EMB: variants seen among roughly 807,000 people sequenced by gnomAD.
EMB encodes the protein embigin homolog.
EMB carries 31 observed loss-of-function variants against 41.4 expected under a neutral mutation model. That is an observed-to-expected ratio of 0.75 (90% confidence interval 0.56 to 1.01). The LOEUF is 1.01. Ranked by LOEUF, EMB falls within the 50% of genes least tolerant of loss-of-function variation. The probability of loss-of-function intolerance (pLI) is 0.00; values close to 1 mark genes in which losing one functional copy is unlikely to be tolerated. For synonymous variants in EMB, 137 were observed against 140.4 expected, an observed-to-expected ratio of 0.98 and a Z score of 0.17; for missense variants, 379 against 388.3, an observed-to-expected ratio of 0.98 and a Z score of 0.20.
rs1357476160 is a variant in EMB, at chr5:50,411,590, A to G, written c.197-207T>C. ...TAAAGAAAAGTTTTGATTCAACATT[A>G]ACACAATTAAAAAAAACCTAAAGCT... On this transcript the variant is annotated intron_variant, in intron 2 of 8. Coordinates refer to ENST00000303221, the MANE Select transcript of EMB (RefSeq NM_198449.3). 1.2e-5 allele frequency: 5 copies of G among 401,868 alleles called. No individual in the cohort carries two copies. The East Asian group carries it at 2.0e-4, about 16-fold the overall frequency. The allele number at this position is 401,868 out of a possible 1,614,324, so 24.9% of individuals were successfully genotyped here. A position where few individuals can be genotyped will look rare whatever the true frequency, so the allele number is the denominator to read the frequency against.
intron 2 of EMB, among the ~76,000 whole-genome samples, chr5:50,427,170 G>C (rs1561138887): frequency 6.6e-6 from 1 of 151,988 alleles, no homozygotes; most frequent in East Asian, 1.9e-4. Flanking sequence ...CTTCTCTTTG[G>C]TTTTCAGTCA....
At chr5:50,437,263 C>T (rs967470105) in intron 1 of EMB, among the ~76,000 whole-genome samples, 1 of 151,552 alleles carries the variant, frequency 6.6e-6, no homozygotes, top group Non-Finnish European at 1.5e-5. Flanking sequence ...AGAGTGAGAC[C>T]CTGTCTCAAA....
intron 2 of EMB, among the ~76,000 whole-genome samples, chr5:50,416,350 C>T (rs888646321): frequency 6.6e-6 from 1 of 152,144 alleles, no homozygotes; most frequent in Non-Finnish European, 1.5e-5. Context: ...TTATACCTGT[C>T]TAAATAATTT....
chr5:50,409,847 G>T (rs1745306327), intron 4 of EMB, among the ~76,000 whole-genome samples: 1 of 152,104 alleles, frequency 6.6e-6, no homozygotes, highest in Non-Finnish European at 1.5e-5. Flanking sequence ...ATCAAAGAAT[G>T]ATACTAGTTT....
chr5:50,420,819 G>A lies in EMB; in HGVS notation c.196+7325C>T, dbSNP rs1745508346. Among the ~76,000 whole-genome samples the A allele has an allele frequency of 2.0e-5, 3 of 152,158 alleles. No individual in the cohort carries two copies. The South Asian group carries it at 6.2e-4, about 32-fold the overall frequency. ...CAGATAAGGCACTTTCCCTTAGACT[G>A]AAGGTTCAAGCATATTAAAATTCTG... On this transcript the variant is annotated intron_variant, in intron 2 of 8. Transcript: ENST00000303221.
chr5:50,430,938 G>C (rs891475535), intron 1 of EMB, among the ~76,000 whole-genome samples: 1 of 152,186 alleles, frequency 6.6e-6, no homozygotes, highest in African/African-American at 2.4e-5. Flanking sequence ...AATCTAAGCT[G>C]ATGACAGTTG....
intron 5 of EMB, among the ~76,000 whole-genome samples, chr5:50,404,418 T>C (rs1204636604): frequency 6.6e-6 from 1 of 151,928 alleles, no homozygotes. Flanking sequence ...ACATGGTTGG[T>C]CTACATTTTG....
chr5:50,410,231 G>A (rs1404915716), intron 4 of EMB, among the ~76,000 whole-genome samples: 1 of 151,942 alleles, frequency 6.6e-6, no homozygotes, highest in Non-Finnish European at 1.5e-5. Flanking sequence ...ACAAAATACT[G>A]GGTTTTTCAT....
Position 50,441,245 on chromosome 5 carries a change from C to A in EMB, c.-94G>T, listed in dbSNP as rs181252271. 5.6e-6 allele frequency: 4 copies of A among 716,134 alleles called. No homozygotes were observed. The highest frequency in any genetic ancestry group is 7.8e-6 in the Non-Finnish European group (4 of 510,694). The allele number at this position is 716,134 out of a possible 1,614,324, so 44.4% of individuals were successfully genotyped here. A position where few individuals can be genotyped will look rare whatever the true frequency, so the allele number is the denominator to read the frequency against. On this transcript the variant is annotated 5_prime_UTR_variant, in exon 1 of 9. Coordinates refer to ENST00000303221, the MANE Select transcript of EMB (RefSeq NM_198449.3). ...GTCCCTGCGCACACTCGCAGGTGGC[C>A]CGGCGCTCGCAGCCAGTGCCGCGGG...
chr5:50,405,571 T>C (rs1445161337), intron 5 of EMB, among the ~76,000 whole-genome samples, 154 bp downstream of exon 5: 2 of 151,904 alleles, frequency 1.3e-5, no homozygotes, highest in Non-Finnish European at 2.9e-5. Flanking sequence ...ACAACTCTGT[T>C]TGTCACTGCT....
At chr5:50,407,787 G>A (rs1267701869) in intron 4 of EMB, among the ~76,000 whole-genome samples, 3 of 151,884 alleles carry the variant, frequency 2.0e-5, no homozygotes, top group Non-Finnish European at 2.9e-5. Context: ...GGATGCATAC[G>A]AGTGCTACGG....
intron 1 of EMB, among the ~76,000 whole-genome samples, chr5:50,439,725 T>C (rs1301463329): frequency 6.6e-6 from 1 of 152,304 alleles, no homozygotes. Flanking sequence ...AAGGCATTTA[T>C]AAAAATTAAT....
At chr5:50,425,355 G>C (rs1401236046) in intron 2 of EMB, among the ~76,000 whole-genome samples, 1 of 152,100 alleles carries the variant, frequency 6.6e-6, no homozygotes, top group African/African-American at 2.4e-5. Context: ...TAAATAAAAT[G>C]TGCCTTTGGG....
rs779247799 is a variant in EMB, at chr5:50,403,448, C to T, written c.607G>A (p.Val203Ile). ...ACATATTTATTCATTTGAACACCAA[C>T]AGGAACCTAATATGAGGAGACATTA... is the stretch of plus-strand genomic sequence containing the variant. ...YSSNGSVKVP[V>I]GVQMNKYVIN... Residue 203 changes from valine to isoleucine, a missense_variant, in exon 6 of 9, where the codon GTT (valine) becomes ATT (isoleucine). Val to Ile is a conservative substitution (Grantham distance 29). Coordinates refer to ENST00000303221, the MANE Select transcript of EMB (RefSeq NM_198449.3). 7 of 1,611,866 alleles carry T rather than the reference C, an allele frequency of 4.3e-6. No individual in the cohort carries two copies. The East Asian group carries it at 1.3e-4, about 31-fold the overall frequency.
In EMB at chr5:50,423,191, T is replaced by C. The variant is rs868649543; in HGVS notation, c.196+4953A>G. On this transcript the variant is annotated intron_variant, in intron 2 of 8. Coordinates refer to ENST00000303221, the MANE Select transcript of EMB (RefSeq NM_198449.3). ...CAAAAATCAATTTTCAGAATACATA[T>C]GGACTAATAGCACTAAAACTAAAGA... 7.9e-5 allele frequency among the ~76,000 whole-genome samples: 12 copies of C among 151,474 alleles called. No individual in the cohort carries two copies. The South Asian group carries it at 2.3e-3, about 29-fold the overall frequency.
intron 2 of EMB, among the ~76,000 whole-genome samples, chr5:50,413,279 A>C (rs1353996268): frequency 2.6e-5 from 4 of 152,176 alleles, no homozygotes; most frequent in African/African-American, 9.7e-5. Flanking sequence ...TACCATAATG[A>C]TGCTGCAACC....
intron 1 of EMB, among the ~76,000 whole-genome samples, chr5:50,439,487 A>T (rs1303972161): frequency 7.3e-6 from 1 of 137,540 alleles, no homozygotes; most frequent in African/African-American, 2.7e-5. Flanking sequence ...CGCACTTTTA[A>T]TTTTTTTTTT....
chr5:50,402,597 A>G (rs946464875), intron 6 of EMB, among the ~76,000 whole-genome samples: 4 of 151,944 alleles, frequency 2.6e-5, no homozygotes, highest in African/African-American at 9.7e-5. Context: ...TTAGTATAAA[A>G]TCAGGAAAGA....
At chr5:50,425,735 T>TTGCTCTGTCACCCATGCTGGAG (rs533893699) in intron 2 of EMB, among the ~76,000 whole-genome samples, 1 of 137,380 alleles carries the variant, frequency 7.3e-6, no homozygotes, top group Non-Finnish European at 1.5e-5. Flanking sequence ...AGATGGACTC[T>TTGCTCTGTCACCCATGCTGGAG]TGCAGTGGCA....
Sources: allele counts gnomAD v4.1 joint callset (sites outside exome capture counted in the v4.1 genomes callset), GRCh38; gene constraint gnomAD v4.1.1; transcripts MANE v1.5; gene names NCBI Gene and HGNC (gene_info 2026-07-23, HGNC 2026-07-21).